IL1RAPL2: variants seen among roughly 807,000 people sequenced by gnomAD.
IL1RAPL2 encodes X-linked interleukin-1 receptor accessory protein-like 2.
IL1RAPL2 carries 3 observed loss-of-function variants against 44.1 expected under a neutral mutation model. That is an observed-to-expected ratio of 0.07 (90% confidence interval 0.03 to 0.18). The LOEUF is 0.18. Ranked by LOEUF, IL1RAPL2 falls within the 10% of genes least tolerant of loss-of-function variation. The pLI is 1.00. For missense variants in IL1RAPL2, 391 were observed against 496.4 expected, an observed-to-expected ratio of 0.79 and a Z score of 2.02; for synonymous variants, 181 against 178.8, an observed-to-expected ratio of 1.01 and a Z score of -0.10.
At chrX:104,585,353 T>TATATA (rs1928527891) in intron 1 of IL1RAPL2, among the ~76,000 whole-genome samples, 8 of 19,652 alleles carry the variant, frequency 4.1e-4, no homozygotes, top group South Asian at 3.5e-3. Flanking sequence ...TTATATATAT[T>TATATA]ATATATATTA....
At chrX:105,468,502 T>C (rs1569444743) in intron 5 of IL1RAPL2, among the ~76,000 whole-genome samples, 1 of 112,299 alleles carries the variant, frequency 8.9e-6, no homozygotes, top group East Asian at 2.8e-4. Flanking sequence ...TAGAAGGGCC[T>C]CAAGTTTGGT....
chrX:105,413,900 A>G (rs910543079), intron 5 of IL1RAPL2, among the ~76,000 whole-genome samples: 40 of 112,327 alleles, frequency 3.6e-4, no homozygotes, highest in African/African-American at 1.2e-3. Flanking sequence ...TTGAAGACTT[A>G]GTATGATAAA....
chrX:104,578,608 A>G (rs749114572), intron 1 of IL1RAPL2, among the ~76,000 whole-genome samples: 1 of 111,742 alleles, frequency 8.9e-6, no homozygotes, highest in East Asian at 2.8e-4. Flanking sequence ...AGGGAATACA[A>G]CAAAGATAAG....
chrX:105,159,993 C>A (rs956742096), intron 2 of IL1RAPL2, among the ~76,000 whole-genome samples: 11 of 92,386 alleles, frequency 1.2e-4, no homozygotes, highest in South Asian at 7.0e-4. Flanking sequence ...CCCCCCCCCC[C>A]ACTCCACCCC....
At chrX:104,718,022 G>A (rs1435568624) in intron 2 of IL1RAPL2, among the ~76,000 whole-genome samples, 1 of 111,011 alleles carries the variant, frequency 9.0e-6, no homozygotes, top group African/African-American at 3.3e-5. Flanking sequence ...CATTTGGGTT[G>A]GTTCCAAGTC....
chrX:104,875,926 T>C (rs1206228742), intron 2 of IL1RAPL2, among the ~76,000 whole-genome samples: 1 of 105,966 alleles, frequency 9.4e-6, no homozygotes, highest in Non-Finnish European at 2.0e-5. Context: ...CTTGTTACTA[T>C]TTTTTTTTTT....
At chrX:105,070,987 G>A (rs945142701) in intron 2 of IL1RAPL2, among the ~76,000 whole-genome samples, 4 of 111,318 alleles carry the variant, frequency 3.6e-5, no homozygotes, top group African/African-American at 1.3e-4. Flanking sequence ...TGGGACAGCT[G>A]AGCACTTGAA....
At chrX:104,854,696 A>G (rs1028796032) in intron 2 of IL1RAPL2, among the ~76,000 whole-genome samples, 2 of 110,936 alleles carry the variant, frequency 1.8e-5, no homozygotes, top group Non-Finnish European at 3.8e-5. Context: ...GTAGAAATAG[A>G]ATACAATGTT....
At chrX:105,591,820 A>T (rs754736901) in intron 6 of IL1RAPL2, among the ~76,000 whole-genome samples, 1 of 111,055 alleles carries the variant, frequency 9.0e-6, no homozygotes, top group African/African-American at 3.3e-5. Flanking sequence ...TTTGCTGAGA[A>T]TTTTTTATGG....
chrX:104,983,825 T>TA (rs1423177667), intron 2 of IL1RAPL2, among the ~76,000 whole-genome samples: 3 of 108,496 alleles, frequency 2.8e-5, no homozygotes, highest in African/African-American at 1.0e-4. Context: ...ACAGCCATTT[T>TA]ACTTGTTTCT....
intron 5 of IL1RAPL2, among the ~76,000 whole-genome samples, chrX:105,472,515 G>A (rs960437390): frequency 2.7e-5 from 3 of 111,569 alleles, no homozygotes; most frequent in Non-Finnish European, 5.7e-5. Flanking sequence ...AGATAATCAT[G>A]GGAAAGAGAA....
chrX:105,074,716 T>C (rs1259186723), intron 2 of IL1RAPL2, among the ~76,000 whole-genome samples: 1 of 107,649 alleles, frequency 9.3e-6, no homozygotes, highest in Non-Finnish European at 1.9e-5. Context: ...TTTTATTTCC[T>C]TGAGCAGTGG....
chrX:105,414,834 TTGAAAA>T (rs1316088731), intron 5 of IL1RAPL2, among the ~76,000 whole-genome samples: 1 of 112,279 alleles, frequency 8.9e-6, no homozygotes, highest in Non-Finnish European at 1.9e-5. Flanking sequence ...AAAATTCTCT[TTGAAAA>T]TGATAAGCTC....
chrX:104,779,293 C>T (rs1178376880), intron 2 of IL1RAPL2, among the ~76,000 whole-genome samples: 1 of 112,506 alleles, frequency 8.9e-6, no homozygotes, highest in Non-Finnish European at 1.9e-5. Context: ...GGTCTGGGTT[C>T]ATGTGCTTGG....
At chrX:105,264,775 G>A (rs1292582700) in intron 4 of IL1RAPL2, among the ~76,000 whole-genome samples, 3 of 111,640 alleles carry the variant, frequency 2.7e-5, no homozygotes, top group Non-Finnish European at 5.6e-5. Flanking sequence ...ACTTGGGGGA[G>A]CCCCACATTT....
intron 9 of IL1RAPL2, among the ~76,000 whole-genome samples, chrX:105,750,744 G>T (rs1460499894): frequency 9.1e-6 from 1 of 109,601 alleles, no homozygotes; most frequent in Non-Finnish European, 1.9e-5. Flanking sequence ...AAAAATTAAG[G>T]CCTATTCCAA....
chrX:105,251,925 G>GT (rs972769729), intron 4 of IL1RAPL2, among the ~76,000 whole-genome samples: 1 of 110,719 alleles, frequency 9.0e-6, no homozygotes, highest in Non-Finnish European at 1.9e-5. Context: ...TAAGGCTGAG[G>GT]TTTTTTTAAA....
At chrX:104,742,681 A>T (rs1373584331) in intron 2 of IL1RAPL2, among the ~76,000 whole-genome samples, 1 of 111,550 alleles carries the variant, frequency 9.0e-6, no homozygotes, top group Non-Finnish European at 1.9e-5. Context: ...TTCCAAAGGC[A>T]TGGATTCAGG....
intron 2 of IL1RAPL2, among the ~76,000 whole-genome samples, chrX:105,157,263 C>T (rs927643313): frequency 9.0e-6 from 1 of 110,510 alleles, no homozygotes; most frequent in Non-Finnish European, 1.9e-5. Flanking sequence ...GTTATTTTGT[C>T]TCAGGATCTG....
Sources: allele counts gnomAD v4.1 joint callset (sites outside exome capture counted in the v4.1 genomes callset), GRCh38; gene constraint gnomAD v4.1.1; transcripts MANE v1.5; gene names NCBI Gene and HGNC (gene_info 2026-07-23, HGNC 2026-07-21).